CAPN5: variants seen among roughly 807,000 people sequenced by gnomAD.
The protein encoded by CAPN5 is calpain-5.
A neutral mutation model predicts 73.0 loss-of-function variants in CAPN5; 54 were observed. The observed-to-expected ratio is 0.74, with a 90% CI of 0.59 to 0.93. CAPN5 has a LOEUF of 0.93. Among genes scored for constraint, CAPN5 ranks in the 40% least tolerant of loss-of-function variants. The pLI is 0.00. For missense variants in CAPN5, 785 were observed against 882.9 expected (o/e 0.89, Z 1.41); for synonymous variants, 335 against 356.9 (o/e 0.94, Z 0.69).
At chr11:77,103,578 C>T (rs1028299293) in intron 3 of CAPN5, among the ~76,000 whole-genome samples, 4 of 152,166 alleles carry the variant, frequency 2.6e-5, no homozygotes, top group African/African-American at 4.8e-5. Flanking sequence ...TTGCTATAGA[C>T]GATAGAGGCC....
At chr11:77,080,324 C>T (rs945562633) in intron 1 of CAPN5, among the ~76,000 whole-genome samples, 16 of 152,122 alleles carry the variant, frequency 1.1e-4, no homozygotes, top group Middle Eastern at 6.3e-3. Flanking sequence ...CTTTGAGGCC[C>T]GTGGTGGCTT....
intron 1 of CAPN5, among the ~76,000 whole-genome samples, chr11:77,071,350 C>G (rs1555033038): frequency 6.6e-6 from 1 of 152,226 alleles, no homozygotes; most frequent in African/African-American, 2.4e-5. Context: ...GGGTGGTCCC[C>G]AATGTCTGGA....
intron 3 of CAPN5, chr11:77,103,469 C>T (rs1950310767): frequency 4.0e-6 from 4 of 999,650 alleles, no homozygotes; most frequent in East Asian, 4.8e-5. Flanking sequence ...CCCTGAGTCC[C>T]ACACCTTTCC....
Position 77,119,051 on chromosome 11 carries a change from C to G in CAPN5, c.1189C>G (p.Pro397Ala). 1 of 1,613,746 alleles carries G rather than the reference C, an allele frequency of 6.2e-7. No individual in the cohort carries two copies. Among genetic ancestry groups the G allele is most frequent in the Non-Finnish European group, 8.5e-7 (1 of 1,179,864 alleles). ...NPQYIFEVKKPEDEVLICIQQ... is the reference protein window; with the variant it reads ...NPQYIFEVKKAEDEVLICIQQ... ...GCAGTACATCTTCGAAGTCAAGAAG[C>G]CAGAAGATGAAGTCCTGATCTGCAT... is the stretch of plus-strand genomic sequence containing the variant. The change falls in exon 9 of 13, where the codon CCA becomes GCA. Residue 397 changes from proline to alanine, a missense_variant. Pro to Ala is a conservative substitution (Grantham distance 27, BLOSUM62 -1). Transcript: ENST00000648180.
At chr11:77,117,873 A>C (rs1186548745) in intron 7 of CAPN5, among the ~76,000 whole-genome samples, 2 of 152,248 alleles carry the variant, frequency 1.3e-5, no homozygotes, top group Admixed American at 6.5e-5. Context: ...CGAAAGTTGC[A>C]CTGCCTGCTT....
intron 5 of CAPN5, 129 bp from the exon 6 acceptor site, chr11:77,115,266 C>G (rs1423009009): frequency 2.7e-5 from 19 of 696,418 alleles, no homozygotes; most frequent in Non-Finnish European, 4.3e-5. Context: ...GAACACAGCA[C>G]TGCCCCATGA....
intron 1 of CAPN5, among the ~76,000 whole-genome samples, chr11:77,071,923 C>T (rs1949910658): frequency 6.6e-6 from 1 of 152,244 alleles, no homozygotes; most frequent in Non-Finnish European, 1.5e-5. Context: ...CCCCGGCCTG[C>T]CTGCTGCGGA....
At chr11:77,112,295 C>T (rs1555040847) in intron 3 of CAPN5, among the ~76,000 whole-genome samples, 8 of 151,704 alleles carry the variant, frequency 5.3e-5, no homozygotes, top group African/African-American at 1.7e-4. Context: ...TAGATGTGGA[C>T]GGAAGTCTCG....
At chr11:77,077,687 G>T (rs1408077768) in intron 1 of CAPN5, among the ~76,000 whole-genome samples, 2 of 151,978 alleles carry the variant, frequency 1.3e-5, no homozygotes, top group African/African-American at 2.4e-5. Context: ...CTAATTTTTT[G>T]TATTTTTAGT....
chr11:77,088,818 C>T (rs1555036052), intron 2 of CAPN5, among the ~76,000 whole-genome samples: 1 of 152,066 alleles, frequency 6.6e-6, no homozygotes, highest in African/African-American at 2.4e-5. Context: ...TCTTGTTGTG[C>T]CACGAAGGGA....
At chr11:77,081,455 C>G (rs1009335535) in intron 1 of CAPN5, among the ~76,000 whole-genome samples, 3 of 152,232 alleles carry the variant, frequency 2.0e-5, no homozygotes, top group Admixed American at 6.5e-5. Context: ...GTAGCCCCCC[C>G]ATACCTGGCG....
rs1950458115 is a variant in CAPN5 at position 77,115,515 on chromosome 11, T to G, written c.820T>G (p.Ser274Ala). Residue 274 changes from serine (S) to alanine (A), a missense_variant, in exon 6 of 13, where the codon TCA becomes GCA. Transcript: ENST00000648180. Reference protein sequence around the residue: ...LGHGLLAFFKSEKLDMIRLRN... With the variant: ...LGHGLLAFFKAEKLDMIRLRN... ...CCACGGCCTACTGGCCTTCTTCAAGTCAGAGAAGTTGGACATGATCCGCCT... is the reference window on the plus strand; with the variant it reads ...CCACGGCCTACTGGCCTTCTTCAAGGCAGAGAAGTTGGACATGATCCGCCT... The G allele has an allele frequency of 1.9e-6, 3 of 1,613,330 alleles. No homozygotes were observed. The highest frequency in any genetic ancestry group is 2.5e-6 in the Non-Finnish European group (3 of 1,179,998).
chr11:77,087,808 C>T, intron 2 of CAPN5: 1 of 1,238,226 alleles, frequency 8.1e-7, no homozygotes, highest in Non-Finnish European at 1.1e-6. Flanking sequence ...CTAGAGCCAC[C>T]TTGGTTGGGA....
In CAPN5 at chr11:77,114,223, T is replaced by G. The variant is rs1341534572; in HGVS notation, c.507-19T>G. On this transcript the variant is annotated intron_variant, in intron 4 of 12. Transcript: ENST00000648180. The stretch of plus-strand genomic sequence containing the variant: ...GCTGGGGAGCATGAGCTGGGAAGTC[T>G]TTCCACATTGCTTCCCAGACTGGCA... 14 of 1,611,562 alleles carry G rather than the reference T, an allele frequency of 8.7e-6. No individual in the cohort carries two copies. Among genetic ancestry groups the G allele is most frequent in the Non-Finnish European group, 1.1e-5 (13 of 1,177,824 alleles).
chr11:77,084,763 G>T (rs1455114350), intron 1 of CAPN5, 89 bp from the exon 2 acceptor site: 1 of 1,193,068 alleles, frequency 8.4e-7, no homozygotes, highest in Non-Finnish European at 1.2e-6. Flanking sequence ...TTCCGTGCCT[G>T]TGCCATGGGG....
intron 9 of CAPN5, chr11:77,120,474 T>C (rs1950510523): frequency 6.8e-6 from 3 of 444,180 alleles, no homozygotes; most frequent in Non-Finnish European, 4.0e-6. Flanking sequence ...CTGTAGAACA[T>C]TTTCATCTCC....
chr11:77,083,679 C>T (rs1950050810), intron 1 of CAPN5, among the ~76,000 whole-genome samples: 1 of 152,224 alleles, frequency 6.6e-6, no homozygotes, highest in Non-Finnish European at 1.5e-5. Flanking sequence ...TTCCCACTGG[C>T]ATGCTTGGCG....
At chr11:77,116,349 C>T (rs372926639) in intron 7 of CAPN5, 46 bp downstream of exon 7, 78 of 1,516,302 alleles carry the variant, frequency 5.1e-5, no homozygotes, top group Non-Finnish European at 1.1e-5. Context: ...GGGGGCTTCC[C>T]ACGGGCCTGG....
chr11:77,111,455 T>A (rs1950409529), intron 3 of CAPN5, among the ~76,000 whole-genome samples: 1 of 152,160 alleles, frequency 6.6e-6, no homozygotes, highest in Non-Finnish European at 1.5e-5. Flanking sequence ...ATCTGTGAAG[T>A]AGGGCTGGAT....
Sources: gnomAD v4.1 joint callset for allele counts (sites outside exome capture counted in the v4.1 genomes callset) on GRCh38, gnomAD v4.1.1 for gene constraint, MANE v1.5 for transcripts, NCBI Gene and HGNC (gene_info 2026-07-23, HGNC 2026-07-21) for gene names.